The following COL5A2 variants were observed in gnomAD, a reference collection of about 807,000 sequenced individuals.
COL5A2 encodes collagen alpha-2(V) chain.
A neutral mutation model predicts 208.2 loss-of-function variants in COL5A2; 23 were observed. That is an observed-to-expected ratio of 0.11 (90% CI 0.08 to 0.16). The LOEUF (loss-of-function observed/expected upper bound fraction) is 0.16. Ranked by LOEUF, COL5A2 falls within the 10% of genes least tolerant of loss-of-function variation. The pLI is 1.00. For synonymous variants in COL5A2, 625 were observed against 628.5 expected (o/e 0.99, Z 0.08); for missense variants, 1,590 against 1,956.4 (o/e 0.81, Z 3.53).
chr2:189,116,704 T>C (rs935215941), intron 1 of COL5A2, among the ~76,000 whole-genome samples: 6 of 152,186 alleles, frequency 3.9e-5, no homozygotes, highest in African/African-American at 1.4e-4. Context: ...GGTTTTAGGA[T>C]AGTTATCCAA....
At chr2:189,210,820 T>C (rs1276160523) in intron 1 of COL5A2, among the ~76,000 whole-genome samples, 1 of 152,238 alleles carries the variant, frequency 6.6e-6, no homozygotes, top group Non-Finnish European at 1.5e-5. Flanking sequence ...TTTGCTTCTC[T>C]GGAACAGAGG....
intron 1 of COL5A2, among the ~76,000 whole-genome samples, chr2:189,173,999 A>G (rs1322723298): frequency 6.6e-6 from 1 of 152,232 alleles, no homozygotes; most frequent in Non-Finnish European, 1.5e-5. Flanking sequence ...CCATGTCCAT[A>G]CATTTTAAGA....
chr2:189,105,644 A>AT (rs1687134275), intron 2 of COL5A2, among the ~76,000 whole-genome samples: 1 of 151,332 alleles, frequency 6.6e-6, no homozygotes, highest in African/African-American at 2.4e-5. Flanking sequence ...TACTTTGCTC[A>AT]TTTTTTGTGT....
the COL5A2 span, among the ~76,000 whole-genome samples, chr2:189,415,843 G>A: frequency 1.3e-5 from 2 of 152,072 alleles, no homozygotes. Context: ...TGTATTTTTA[G>A]TAGAGGCGGG....
At chr2:189,096,856 T>A (rs1170584102) in intron 6 of COL5A2, among the ~76,000 whole-genome samples, 1 of 152,138 alleles carries the variant, frequency 6.6e-6, no homozygotes, top group East Asian at 1.9e-4. Context: ...GGCTGCTGAG[T>A]GAAAAAGGCG....
chr2:189,402,114 T>C, the COL5A2 span, among the ~76,000 whole-genome samples: 1 of 152,242 alleles, frequency 6.6e-6, no homozygotes, highest in Non-Finnish European at 1.5e-5. Flanking sequence ...CAATTGCTTT[T>C]GGCATCTTTG....
the COL5A2 span, among the ~76,000 whole-genome samples, chr2:189,366,709 T>C: frequency 1.3e-5 from 2 of 152,222 alleles, no homozygotes; most frequent in African/African-American, 4.8e-5. Flanking sequence ...GCCAAAGAAC[T>C]ACCTCTCTTT....
the COL5A2 span, among the ~76,000 whole-genome samples, chr2:189,318,689 T>C: frequency 4.6e-5 from 7 of 152,334 alleles, no homozygotes; most frequent in Admixed American, 3.3e-4. Flanking sequence ...TTATTAAACT[T>C]TTCTTAACAA....
At chr2:189,051,628 TAAACA>T (rs897246552) in intron 41 of COL5A2, 147 bp from the exon 42 acceptor site, 4 of 626,440 alleles carry the variant, frequency 6.4e-6, no homozygotes, top group Admixed American at 3.8e-5. Context: ...CTATAGGATT[TAAACA>T]AAACAAAACA....
At chr2:189,129,846 A>G (rs995652839) in intron 1 of COL5A2, among the ~76,000 whole-genome samples, 2 of 152,072 alleles carry the variant, frequency 1.3e-5, no homozygotes, top group African/African-American at 4.8e-5. Context: ...CATGTGGCTT[A>G]CACTTGTTTG....
chr2:189,059,985 C>A (rs1685992623), intron 31 of COL5A2, among the ~76,000 whole-genome samples: 1 of 151,932 alleles, frequency 6.6e-6, no homozygotes, highest in Admixed American at 6.6e-5. Flanking sequence ...CCCTGCAGCC[C>A]CCTTTCTATT....
intron 1 of COL5A2, among the ~76,000 whole-genome samples, chr2:189,185,108 C>G (rs1008658345): frequency 8.5e-5 from 13 of 152,048 alleles, no homozygotes; most frequent in African/African-American, 3.1e-4. Context: ...ACTGCAGCCT[C>G]CGCCTCCCGG....
At chr2:189,350,649 G>A in the COL5A2 span, among the ~76,000 whole-genome samples, 1 of 152,156 alleles carries the variant, frequency 6.6e-6, no homozygotes, top group Non-Finnish European at 1.5e-5. Flanking sequence ...GAACTGAGCT[G>A]TGGTCATGGG....
the COL5A2 span, among the ~76,000 whole-genome samples, chr2:189,251,359 T>C: frequency 8.5e-5 from 13 of 152,238 alleles, no homozygotes; most frequent in Non-Finnish European, 1.5e-4. Context: ...TCAGCAAATA[T>C]TAATAAAACA....
chr2:189,321,591 G>A, the COL5A2 span, among the ~76,000 whole-genome samples: 1 of 152,024 alleles, frequency 6.6e-6, no homozygotes, highest in South Asian at 2.1e-4. Context: ...AAAGGTAAAG[G>A]GATCAATTCA....
chr2:189,404,133 A>T, the COL5A2 span, among the ~76,000 whole-genome samples: 2 of 152,170 alleles, frequency 1.3e-5, no homozygotes, highest in African/African-American at 4.8e-5. Context: ...GATATGATTA[A>T]TTTTGTGTGT....
At chr2:189,219,419 A>G (rs1432759496) in intron 1 of COL5A2, among the ~76,000 whole-genome samples, 1 of 152,160 alleles carries the variant, frequency 6.6e-6, no homozygotes. Context: ...TCACTCTCAT[A>G]CCAAATTTAT....
chr2:189,346,036 A>G, the COL5A2 span, among the ~76,000 whole-genome samples: 1 of 152,226 alleles, frequency 6.6e-6, no homozygotes, highest in Non-Finnish European at 1.5e-5. Context: ...GTTCATCAGC[A>G]TAGTACATTA....
the COL5A2 span, among the ~76,000 whole-genome samples, chr2:189,332,486 G>A: frequency 4.6e-5 from 7 of 152,318 alleles, no homozygotes; most frequent in South Asian, 1.0e-3. Context: ...TGTGTTGTGG[G>A]AGGGACCTGG....
Sources: allele counts gnomAD v4.1 joint callset (sites outside exome capture counted in the v4.1 genomes callset), GRCh38; gene constraint gnomAD v4.1.1; transcripts MANE v1.5; gene names NCBI Gene and HGNC (gene_info 2026-07-23, HGNC 2026-07-21).